ADCY8: variants seen among roughly 807,000 people sequenced by gnomAD.
ADCY8 encodes adenylate cyclase 8, also known as adenylate cyclase type 8.
A neutral mutation model predicts 119.7 loss-of-function variants in ADCY8; 51 were observed. The ratio of observed to expected loss-of-function variants is 0.43; its 90% CI spans 0.34 to 0.54. The LOEUF is 0.54. Ranked by LOEUF, ADCY8 falls within the 20% of genes least tolerant of loss-of-function variation. ADCY8 has a pLI of 0.03. For synonymous variants in ADCY8, 665 were observed against 651.0 expected, an observed-to-expected ratio of 1.02 and a Z score of -0.33; for missense variants, 1,383 against 1,598.8, an observed-to-expected ratio of 0.87 and a Z score of 2.30.
intron 5 of ADCY8, among the ~76,000 whole-genome samples, chr8:130,929,107 C>CA (rs1163008079): frequency 1.3e-5 from 2 of 151,332 alleles, no homozygotes; most frequent in Non-Finnish European, 2.9e-5. Context: ...TTTATCTTTT[C>CA]AAAAAAAATC....
Position 131,021,802 on chromosome 8 carries a change from T to C in ADCY8, c.960+17572A>G, listed in dbSNP as rs374651748. Among the ~76,000 whole-genome samples, 13 of 152,290 alleles carry C rather than the reference T, an allele frequency of 8.5e-5. 1 individual carries two copies. In the East Asian group the frequency reaches 1.9e-3, roughly 23 times the overall value. Reference sequence around the variant, plus strand: ...TTTTCTGAGGCCTCCCCAGCGATGCTGAACTGTGAGTCAATTAAGTCTCCT... The same window carrying C: ...TTTTCTGAGGCCTCCCCAGCGATGCCGAACTGTGAGTCAATTAAGTCTCCT... On this transcript the variant is annotated intron_variant, in intron 1 of 17. Transcript: ENST00000286355.
chr8:130,975,375 T>C (rs1018845274), intron 2 of ADCY8, among the ~76,000 whole-genome samples: 1 of 152,200 alleles, frequency 6.6e-6, no homozygotes, highest in Non-Finnish European at 1.5e-5. Flanking sequence ...TGCTGACATG[T>C]GACAGGCTCT....
At chr8:130,930,914 T>G (rs1820611825) in intron 5 of ADCY8, among the ~76,000 whole-genome samples, 1 of 152,216 alleles carries the variant, frequency 6.6e-6, no homozygotes, top group Admixed American at 6.5e-5. Flanking sequence ...TTTATCTTTC[T>G]GTTCTCCTTC....
chr8:130,943,303 A>C (rs771602431), intron 4 of ADCY8, 48 bp downstream of exon 4: 1 of 1,303,654 alleles, frequency 7.7e-7, no homozygotes, highest in East Asian at 2.3e-5. Flanking sequence ...TTCCATATGC[A>C]GTCCCTCACT....
At chr8:130,904,945 A>G (rs893100087) in intron 6 of ADCY8, among the ~76,000 whole-genome samples, 7 of 152,176 alleles carry the variant, frequency 4.6e-5, no homozygotes, top group Non-Finnish European at 7.4e-5. Flanking sequence ...GGTTACAAAC[A>G]TGGACTTCAT....
Position 131,039,509 on chromosome 8 carries a change from G to A in ADCY8, c.825C>T (p.Leu275=), listed in dbSNP as rs1161794669. 4 of 1,614,026 alleles carry A rather than the reference G, an allele frequency of 2.5e-6. No homozygotes were observed. The highest frequency in any genetic ancestry group is 2.2e-5 in the East Asian group (1 of 44,864). ...GLLGDGIGYV[L]FTLFATYSML... ...TACTGTAGGTGGCGAAGAGCGTGAAGAGCACGTAGCCTATGCCGTCGCCCA... is the reference window on the plus strand; with the variant it reads ...TACTGTAGGTGGCGAAGAGCGTGAAAAGCACGTAGCCTATGCCGTCGCCCA... The change falls in exon 1 of 18, where the codon CTC becomes CTT. Residue 275 remains leucine, a synonymous_variant. Transcript: ENST00000286355.
intron 3 of ADCY8, among the ~76,000 whole-genome samples, chr8:130,946,046 G>C (rs1214229351): frequency 6.6e-6 from 1 of 152,240 alleles, no homozygotes; most frequent in Non-Finnish European, 1.5e-5. Context: ...TGCTATGACA[G>C]GTGGGAAGTG....
intron 12 of ADCY8, among the ~76,000 whole-genome samples, chr8:130,821,857 G>A (rs1332538757): frequency 6.6e-6 from 1 of 152,208 alleles, no homozygotes; most frequent in Non-Finnish European, 1.5e-5. Flanking sequence ...AGACTTAGGA[G>A]TGAAAATGTA....
intron 1 of ADCY8, among the ~76,000 whole-genome samples, chr8:131,018,061 G>A (rs545006913): frequency 6.6e-6 from 1 of 152,310 alleles, no homozygotes; most frequent in African/African-American, 2.4e-5. Flanking sequence ...GGTAATTGAG[G>A]GAGTTTGTCA....
intron 13 of ADCY8, among the ~76,000 whole-genome samples, chr8:130,819,391 A>G (rs534161911): frequency 6.6e-6 from 1 of 152,356 alleles, no homozygotes; most frequent in East Asian, 1.9e-4. Flanking sequence ...CAATTAGGTT[A>G]TCTGCTTTCC....
chr8:130,791,451 G>T (rs935274779), intron 15 of ADCY8, among the ~76,000 whole-genome samples: 1 of 152,240 alleles, frequency 6.6e-6, no homozygotes, highest in Non-Finnish European at 1.5e-5. Flanking sequence ...CTGACCTCTG[G>T]TTTAAGAAAT....
chr8:130,810,330 G>A (rs55710457), intron 14 of ADCY8, among the ~76,000 whole-genome samples: 36,155 of 145,788 alleles, frequency 0.25, 4,424 homozygotes, highest in East Asian at 0.28. Context: ...GTATGACTCT[G>A]TCTTTCTCTC....
chr8:130,951,449 C>T (rs528639927), intron 3 of ADCY8, among the ~76,000 whole-genome samples: 1 of 152,134 alleles, frequency 6.6e-6, no homozygotes, highest in African/African-American at 2.4e-5. Context: ...AATAAGTTTG[C>T]AAAGGAAAAT....
intron 4 of ADCY8, among the ~76,000 whole-genome samples, chr8:130,938,039 C>A (rs1365493860): frequency 6.6e-6 from 1 of 152,146 alleles, no homozygotes; most frequent in Non-Finnish European, 1.5e-5. Context: ...GGATAGGAAG[C>A]AGCTAGATGT....
chr8:130,836,327 G>A lies in ADCY8; in HGVS notation c.2625C>T (p.Thr875=), dbSNP rs745501402. 3.2e-5 allele frequency: 52 copies of A among 1,613,820 alleles called. No homozygotes were observed. Among genetic ancestry groups the A allele is most frequent in the East Asian group, 2.2e-4 (10 of 44,888 alleles). The change falls in exon 12 of 18, where the codon ACC becomes ACT. Residue 875 remains threonine, a synonymous_variant. Coordinates refer to ENST00000286355, the MANE Select transcript of ADCY8 (RefSeq NM_001115.3). ...AACGCAGAAAGAGGCCTGCGTAGAC[G>A]GTCTCAGTGAGCAGGGCATAGATGG... ...MIAIYALLTE[T]VYAGLFLRYD...
Position 130,800,390 on chromosome 8 carries a change from C to A in ADCY8, c.3060+36G>T, listed in dbSNP as rs73715586. On this transcript the variant is annotated intron_variant, in intron 15 of 17. Coordinates refer to ENST00000286355, the MANE Select transcript of ADCY8 (RefSeq NM_001115.3). ...AACACAACGCTTTGACAACGATGCCCATTTGTGATTGTAAATGTCTCAGGC... is the reference window on the plus strand; with the variant it reads ...AACACAACGCTTTGACAACGATGCCAATTTGTGATTGTAAATGTCTCAGGC... 4,423 of 1,612,942 alleles carry A rather than the reference C, an allele frequency of 2.7e-3. 96 individuals carry two copies. The African/African-American group carries it at 0.053, about 19-fold the overall frequency.
At chr8:130,800,312 G>T in intron 15 of ADCY8, 114 bp downstream of exon 15, 3 of 1,200,216 alleles carry the variant, frequency 2.5e-6, no homozygotes, top group Non-Finnish European at 3.6e-6. Flanking sequence ...TATAATGCAG[G>T]CTGGAATTCC....
At chr8:130,901,242 CTTTTT>C (rs34424673) in intron 7 of ADCY8, among the ~76,000 whole-genome samples, 1 of 115,572 alleles carries the variant, frequency 8.7e-6, no homozygotes, top group African/African-American at 3.3e-5. Flanking sequence ...CATCCCTCCT[CTTTTT>C]TTTTTTTTTT....
chr8:130,887,148 C>T (rs191444258), intron 7 of ADCY8, among the ~76,000 whole-genome samples: 2 of 152,224 alleles, frequency 1.3e-5, no homozygotes, highest in African/African-American at 2.4e-5. Flanking sequence ...ATGTAGAGGA[C>T]ATTTGGAAAT....
Sources: allele counts gnomAD v4.1 joint callset (sites outside exome capture counted in the v4.1 genomes callset), GRCh38; gene constraint gnomAD v4.1.1; transcripts MANE v1.5; gene names NCBI Gene and HGNC (gene_info 2026-07-23, HGNC 2026-07-21).